Variants in DYNLL1 observed in about 807,000 individuals in gnomAD.
The protein encoded by DYNLL1 is dynein light chain 1, cytoplasmic.
A neutral mutation model predicts 10.1 loss-of-function variants in DYNLL1; 3 were observed. That is an observed-to-expected ratio of 0.30 (90% CI 0.14 to 0.77). The LOEUF (loss-of-function observed/expected upper bound fraction) is 0.77. DYNLL1 is among the 30% of genes least tolerant of loss of function. The pLI is 0.66. For synonymous variants in DYNLL1, 46 were observed against 41.2 expected (o/e 1.12, Z -0.45); for missense variants, 47 against 111.7 (o/e 0.42, Z 2.61).
At chr12:120,496,964 TG>T (rs1430623120) in intron 2 of DYNLL1, 1 of 71,310 alleles carries the variant, frequency 1.4e-5, no homozygotes. Context: ...TGGTGGGTGG[TG>T]GCGGGGCTGG....
At chr12:120,494,441 T>C (rs1381149702), upstream of DYNLL1, among the ~76,000 whole-genome samples, 2 of 151,906 alleles carry the variant, frequency 1.3e-5, no homozygotes, top group Non-Finnish European at 2.9e-5. Context: ...CATGCCCAGC[T>C]AATTTTGTAT....
intron 1 of DYNLL1, chr12:120,470,242 G>A: frequency 6.6e-6 from 1 of 152,218 alleles, no homozygotes; most frequent in East Asian, 1.9e-4. Flanking sequence ...GTATCACAGC[G>A]ATCACTATAG....
chr12:120,496,318 G>A, intron 1 of DYNLL1, 98 bp from the exon 2 acceptor site: 1 of 1,516,050 alleles, frequency 6.6e-7, no homozygotes, highest in South Asian at 1.2e-5. Flanking sequence ...AGTGGGGTGG[G>A]GGGCGTCGTC....
chr12:120,469,869 G>A (rs1878601943), exon 1 of DYNLL1: 1 of 247,118 alleles, frequency 4.0e-6, no homozygotes. Context: ...GAGAGCCTGG[G>A]GCCGGGCCGT....
chr12:120,486,312 G>C (rs1022559516), intron 1 of DYNLL1, among the ~76,000 whole-genome samples: 3 of 152,140 alleles, frequency 2.0e-5, no homozygotes, highest in African/African-American at 7.2e-5. Flanking sequence ...GCTCCTGGAA[G>C]AAACAGATTA....
intron 1 of DYNLL1, chr12:120,488,799 C>CCTA (rs1346093363): frequency 6.6e-6 from 1 of 152,054 alleles, no homozygotes; most frequent in African/African-American, 2.4e-5. Context: ...GGTAATCCCA[C>CCTA]CTACTGAGGA....
intron 1 of DYNLL1, among the ~76,000 whole-genome samples, chr12:120,483,422 T>C (rs1173640845): frequency 6.6e-6 from 1 of 151,880 alleles, no homozygotes; most frequent in Non-Finnish European, 1.5e-5. Flanking sequence ...AGCTCATTAA[T>C]GTGCTTAAAT....
intron 2 of DYNLL1, 57 bp downstream of exon 2, chr12:120,496,610 G>A (rs1213474001): frequency 1.2e-6 from 2 of 1,613,550 alleles, no homozygotes; most frequent in South Asian, 1.1e-5. Flanking sequence ...CCTTCCCCCC[G>A]ATCCTGCTTT....
chr12:120,480,376 ACAG>A (rs1347437292), intron 1 of DYNLL1, among the ~76,000 whole-genome samples: 1 of 152,230 alleles, frequency 6.6e-6, no homozygotes, highest in African/African-American at 2.4e-5. Context: ...TGCTAGGGAC[ACAG>A]CAGAGGGGAC....
At chr12:120,496,265 C>T (rs1193494493) in intron 1 of DYNLL1, 49 bp downstream of exon 1, 4 of 1,168,532 alleles carry the variant, frequency 3.4e-6, no homozygotes, top group East Asian at 5.1e-5. Flanking sequence ...TTATTTCGCC[C>T]CACTCCGGAC....
rs919639955 is a variant in DYNLL1 at position 120,498,056 on chromosome 12, T to C, written c.133-17T>C. The C allele has an allele frequency of 2.7e-5, 44 of 1,612,128 alleles. No individual in the cohort carries two copies. The highest frequency in any genetic ancestry group is 3.3e-5 in the Admixed American group (2 of 59,740). ...CTGGTAATTAAAATCCTAGTTCTTT[T>C]CTTTTGTCTTTTCCAGGAATTTGAC... is the stretch of plus-strand genomic sequence containing the variant. On this transcript the variant is annotated splice_polypyrimidine_tract_variant and intron_variant, in intron 2 of 2. Coordinates refer to ENST00000242577, the MANE Select transcript of DYNLL1 (RefSeq NM_003746.3).
In DYNLL1 at chr12:120,498,065, T is replaced by C; in HGVS notation, c.133-8T>C. ...AAAATCCTAGTTCTTTTCTTTTGTCTTTTCCAGGAATTTGACAAGAAGTAC... is the reference window on the plus strand; with the variant it reads ...AAAATCCTAGTTCTTTTCTTTTGTCCTTTCCAGGAATTTGACAAGAAGTAC... On this transcript the variant is annotated splice_polypyrimidine_tract_variant and splice_region_variant and intron_variant, in intron 2 of 2. Coordinates refer to ENST00000242577, the MANE Select transcript of DYNLL1 (RefSeq NM_003746.3). The C allele has an allele frequency of 6.2e-7, 1 of 1,612,352 alleles. No individual in the cohort carries two copies. Among genetic ancestry groups the C allele is most frequent in the Non-Finnish European group, 8.5e-7 (1 of 1,179,240 alleles).
At chr12:120,483,048 G>A (rs1878916432) in intron 1 of DYNLL1, among the ~76,000 whole-genome samples, 1 of 150,624 alleles carries the variant, frequency 6.6e-6, no homozygotes, top group Non-Finnish European at 1.5e-5. Flanking sequence ...ATCTCTTAAA[G>A]AAAAAAAAAG....
chr12:120,482,309 C>T (rs1035346469), intron 1 of DYNLL1, among the ~76,000 whole-genome samples: 6 of 148,296 alleles, frequency 4.0e-5, no homozygotes, highest in African/African-American at 1.2e-4. Context: ...GGCAAAGGTA[C>T]TAGATTTGCC....
At chr12:120,489,896 C>A (rs916958033) in intron 1 of DYNLL1, among the ~76,000 whole-genome samples, 2 of 152,098 alleles carry the variant, frequency 1.3e-5, no homozygotes, top group East Asian at 3.9e-4. Context: ...TACAGGTGCA[C>A]GCTGCCACGC....
upstream of DYNLL1, among the ~76,000 whole-genome samples, chr12:120,492,535 C>G (rs191797881): frequency 1.3e-5 from 2 of 152,156 alleles, no homozygotes; most frequent in South Asian, 2.1e-4. The surrounding 1 kb of genome is among the most constrained non-coding windows in gnomAD (Gnocchi z 4.1). Context: ...CTACTGCACT[C>G]CAGCCTGGGT....
chr12:120,482,951 C>T (rs1296056700), intron 1 of DYNLL1, among the ~76,000 whole-genome samples: 2 of 151,626 alleles, frequency 1.3e-5, no homozygotes, highest in Non-Finnish European at 2.9e-5. Flanking sequence ...ATCGGTGGCT[C>T]GTGCCTGTGG....
Position 120,496,236 on chromosome 12 carries a change from A to C in DYNLL1, c.-7+20A>C. The stretch of plus-strand genomic sequence containing the variant: ...TCCACGGTGAGAAACTCGGGGGGCC[A>C]GGGGGTGTCCTCGCTGCCTTATTTC... On this transcript the variant is annotated intron_variant, in intron 1 of 2. Transcript: ENST00000242577. 1 of 848,268 alleles carries C rather than the reference A, an allele frequency of 1.2e-6. No homozygotes were observed. Among genetic ancestry groups the C allele is most frequent in the Non-Finnish European group, 1.8e-6 (1 of 550,362 alleles). The allele number at this position is 848,268 out of a possible 1,614,324, so 52.5% of individuals were successfully genotyped here. A position where few individuals can be genotyped will look rare whatever the true frequency, so the allele number is the denominator to read the frequency against.
At chr12:120,482,129 TAC>T (rs1192946772) in intron 1 of DYNLL1, among the ~76,000 whole-genome samples, 1 of 152,178 alleles carries the variant, frequency 6.6e-6, no homozygotes, top group Non-Finnish European at 1.5e-5. Flanking sequence ...TTCTAAAATT[TAC>T]AGAGAAGCCA....
Sources: gnomAD v4.1 joint callset for allele counts (sites outside exome capture counted in the v4.1 genomes callset) on GRCh38, gnomAD v4.1.1 for gene constraint, Gnocchi (gnomAD v3.1) non-coding constraint, MANE v1.5 for transcripts, NCBI Gene and HGNC (gene_info 2026-07-23, HGNC 2026-07-21) for gene names.